DPYSL4: variants seen among roughly 807,000 people sequenced by gnomAD.
The protein encoded by DPYSL4 is dihydropyrimidinase-related protein 4.
Under a neutral mutation model 63.4 loss-of-function variants are expected in DPYSL4, and 43 were observed. The ratio of observed to expected loss-of-function variants is 0.68; its 90% CI spans 0.53 to 0.88. DPYSL4 has a LOEUF of 0.88. DPYSL4 is among the 40% of genes least tolerant of loss of function. DPYSL4 has a pLI of 0.00. For synonymous variants in DPYSL4, 353 were observed against 331.7 expected (o/e 1.06, Z -0.70); for missense variants, 733 against 819.5 (o/e 0.89, Z 1.29).
chr10:132,189,171 G>GGC (rs1409589696), intron 1 of DPYSL4, among the ~76,000 whole-genome samples: 4 of 152,378 alleles, frequency 2.6e-5, no homozygotes, highest in African/African-American at 9.6e-5. Flanking sequence ...CAGAGCAGGC[G>GGC]GCCGGACCTC....
intron 3 of DPYSL4, among the ~76,000 whole-genome samples, chr10:132,194,128 G>A (rs2061911195): frequency 6.6e-6 from 1 of 152,274 alleles, no homozygotes; most frequent in African/African-American, 2.4e-5. Context: ...TGCAGGCCCA[G>A]GCTGGCACTG....
intron 12 of DPYSL4, 136 bp from the exon 13 acceptor site, chr10:132,203,626 A>T: frequency 1.2e-6 from 1 of 812,618 alleles, no homozygotes; most frequent in Non-Finnish European, 1.9e-6. Context: ...AAATTCCTGA[A>T]GCTGGCACTG....
At chr10:132,187,143 G>A (rs938042191) in intron 1 of DPYSL4, 41 bp downstream of exon 1, 11 of 1,474,326 alleles carry the variant, frequency 7.5e-6, no homozygotes, top group African/African-American at 1.4e-5. Context: ...CCTGCCCGCC[G>A]CCCGGAGTGG....
rs1010010642 is a variant in DPYSL4, at chr10:132,203,611, G to GC, written c.1462-147dup. 3 of 718,114 alleles carry GC rather than the reference G, an allele frequency of 4.2e-6. No individual in the cohort carries two copies. The African/African-American group carries it at 5.3e-5, about 13-fold the overall frequency. 44.5% of individuals were successfully genotyped at this position (718,114 alleles called of 1,614,324 possible). On this transcript the variant is annotated intron_variant, in intron 12 of 13. Coordinates refer to ENST00000338492, the MANE Select transcript of DPYSL4 (RefSeq NM_006426.3). ...TTGGGTTGAGCACCCCCCCAGGGCA[G>GC]CCCCAAATTCCTGAAGCTGGCACTG...
intron 12 of DPYSL4, 57 bp downstream of exon 12, chr10:132,202,882 G>A (rs921452263): frequency 7.2e-6 from 11 of 1,531,588 alleles, no homozygotes; most frequent in Non-Finnish European, 8.8e-6. Flanking sequence ...CTGAGTTCTA[G>A]GCCCAGAACG....
At position 132,200,479 on chromosome 10, in the gene DPYSL4, C is replaced by T. The variant is rs889187182; in HGVS notation, c.935C>T (p.Thr312Ile). The T allele has an allele frequency of 5.0e-6, 8 of 1,613,360 alleles. No homozygotes were observed. The highest frequency in any genetic ancestry group is 6.8e-6 in the Non-Finnish European group (8 of 1,179,914). The change falls in exon 9 of 14, where the codon ACC (threonine) becomes ATC (isoleucine). Residue 312 changes from threonine to isoleucine, a missense_variant. By Grantham distance (89) the Thr-to-Ile change is moderately conservative (BLOSUM62 -1). Coordinates refer to ENST00000338492, the MANE Select transcript of DPYSL4 (RefSeq NM_006426.3). ...TCACCCCCTGTCAACCCAGACCCCA[C>T]CACGGCGGACCACCTCACCTGCTTG... ...VTSPPVNPDP[T>I]TADHLTCLLS...
At position 132,200,343 on chromosome 10, in the gene DPYSL4, C is replaced by T. The variant is rs1441802445; in HGVS notation, c.812-13C>T. On this transcript the variant is annotated splice_polypyrimidine_tract_variant and intron_variant, in intron 8 of 13. Transcript: ENST00000338492. Reference sequence around the variant, plus strand: ...TGGTCGGTGGGGCACCTCTCATGGGCCTCGTGCTGCAGGGGTGGTCGTGTT... The same window carrying T: ...TGGTCGGTGGGGCACCTCTCATGGGTCTCGTGCTGCAGGGGTGGTCGTGTT... 6.2e-7 allele frequency: 1 copy of T among 1,612,720 alleles called. No homozygotes were observed. The highest frequency in any genetic ancestry group is 2.2e-5 in the East Asian group (1 of 44,874).
chr10:132,198,733 C>T, intron 7 of DPYSL4, 118 bp from the exon 8 acceptor site: 1 of 1,473,846 alleles, frequency 6.8e-7, no homozygotes, highest in Non-Finnish European at 9.1e-7. Context: ...TGGGCCGCTC[C>T]TACTAGGCTG....
intron 7 of DPYSL4, among the ~76,000 whole-genome samples, 184 bp downstream of exon 7, chr10:132,198,667 C>T (rs1403252174): frequency 6.6e-6 from 1 of 152,238 alleles, no homozygotes; most frequent in African/African-American, 2.4e-5. Flanking sequence ...AACCCTACAG[C>T]CTGTACCCGA....
rs530823212 is a variant in DPYSL4, at chr10:132,191,704, C to T, written c.128+869C>T. ...AGTATGTTCCCAGCTCGTGTGTACA[C>T]GCTGGTCACGTGGTATCCAGGCAGG... On this transcript the variant is annotated intron_variant, in intron 2 of 13. Coordinates refer to ENST00000338492, the MANE Select transcript of DPYSL4 (RefSeq NM_006426.3). Among the ~76,000 whole-genome samples, 13 of 84,814 alleles carry T rather than the reference C, an allele frequency of 1.5e-4. 1 individual carries two copies. The highest frequency in any genetic ancestry group is 3.3e-4 in the African/African-American group (8 of 24,472). 55.6% of individuals were successfully genotyped at this position (84,814 alleles called of 152,430 possible).
intron 1 of DPYSL4, among the ~76,000 whole-genome samples, chr10:132,188,497 C>T (rs541643390): frequency 6.6e-6 from 1 of 152,338 alleles, no homozygotes; most frequent in East Asian, 1.9e-4. Flanking sequence ...CCTGATGCGG[C>T]CACAGAGGCT....
intron 6 of DPYSL4, 26 bp from the exon 7 acceptor site, chr10:132,198,389 G>A (rs776857456): frequency 3.1e-6 from 5 of 1,595,282 alleles, no homozygotes; most frequent in South Asian, 1.1e-5. Flanking sequence ...AGGGCTTGGA[G>A]CGAGGCATCC....
chr10:132,189,731 G>A (rs905688536), intron 1 of DPYSL4, among the ~76,000 whole-genome samples: 3 of 152,082 alleles, frequency 2.0e-5, no homozygotes, highest in East Asian at 1.9e-4. Context: ...ATCTCACTCA[G>A]AAATCACCCC....
rs1304489463 is a variant in DPYSL4 at position 132,186,994 on chromosome 10, T to TCCGGCCCCCCCCCCCCCCCCC, written c.-68_-67insGGCCCCCCCCCCCCCCCCCCC. The TCCGGCCCCCCCCCCCCCCCCC allele has an allele frequency of 1.0e-4, 22 of 218,978 alleles. No individual in the cohort carries two copies. The highest frequency in any genetic ancestry group is 8.2e-4 in the South Asian group (11 of 13,466). The allele number at this position is 218,978 out of a possible 1,614,324, so 13.6% of individuals were successfully genotyped here. On this transcript the variant is annotated 5_prime_UTR_variant, in exon 1 of 14. Coordinates refer to ENST00000338492, the MANE Select transcript of DPYSL4 (RefSeq NM_006426.3). ...CCACGCACGCGTCCCGGCTCACGCG[T>TCCGGCCCCCCCCCCCCCCCCC]CCCCCCGCCCGCCCGCCCGCCCGCC...
chr10:132,203,727 C>G, intron 12 of DPYSL4, 35 bp from the exon 13 acceptor site: 1 of 1,574,732 alleles, frequency 6.4e-7, no homozygotes, highest in Non-Finnish European at 8.6e-7. Context: ...GGCTCAGCCC[C>G]TCATGCCCTG....
chr10:132,196,295 G>A (rs978797800), intron 4 of DPYSL4, among the ~76,000 whole-genome samples: 1 of 152,198 alleles, frequency 6.6e-6, no homozygotes, highest in Non-Finnish European at 1.5e-5. Context: ...CCCTCTTCCT[G>A]TTTGGGCCCC....
chr10:132,196,513 AC>A (rs1242808915), intron 4 of DPYSL4, among the ~76,000 whole-genome samples: 1 of 151,974 alleles, frequency 6.6e-6, no homozygotes, highest in Non-Finnish European at 1.5e-5. Flanking sequence ...AGCCAGTGGA[AC>A]CCAGGCCGAG....
intron 3 of DPYSL4, 28 bp downstream of exon 3, chr10:132,192,870 G>A: frequency 6.4e-7 from 1 of 1,567,406 alleles, no homozygotes; most frequent in Non-Finnish European, 8.7e-7. Context: ...CTCCTCTACA[G>A]GGGGCAGCCA....
intron 12 of DPYSL4, 109 bp downstream of exon 12, chr10:132,202,934 A>G: frequency 7.4e-7 from 1 of 1,359,344 alleles, no homozygotes; most frequent in Non-Finnish European, 9.9e-7. Context: ...GGGGTCAGGA[A>G]GACAGAGCGG....
Sources: allele counts gnomAD v4.1 joint callset (sites outside exome capture counted in the v4.1 genomes callset), GRCh38; gene constraint gnomAD v4.1.1; transcripts MANE v1.5; gene names NCBI Gene and HGNC (gene_info 2026-07-23, HGNC 2026-07-21).